The following BIN1 variants were observed in gnomAD, a reference collection of about 807,000 sequenced individuals.
The protein encoded by BIN1 is bridging integrator 1.
BIN1 carries 53 observed loss-of-function variants against 82.0 expected under a neutral mutation model. That is an observed-to-expected ratio of 0.65 (90% CI 0.52 to 0.81). The LOEUF is 0.81. BIN1 is among the 40% of genes least tolerant of loss of function. The pLI, the probability that BIN1 is intolerant of heterozygous loss-of-function variation, is 0.00. For missense variants in BIN1, 642 were observed against 784.4 expected (o/e 0.82, Z 2.17); for synonymous variants, 302 against 328.0 (o/e 0.92, Z 0.86).
intron 13 of BIN1, 82 bp from the exon 14 acceptor site, chr2:127,053,527 C>T: frequency 6.5e-7 from 1 of 1,545,980 alleles, no homozygotes; most frequent in South Asian, 1.2e-5. Context: ...GGGACCCTAC[C>T]CCCGCTCGCC....
chr2:127,101,015 A>C (rs1426041204), intron 1 of BIN1, among the ~76,000 whole-genome samples: 1 of 112,824 alleles, frequency 8.9e-6, no homozygotes, highest in Non-Finnish European at 1.8e-5. Context: ...GTGGGGATAG[A>C]CTCAAACTCA....
At chr2:127,072,408 G>A (rs574648168) in intron 2 of BIN1, among the ~76,000 whole-genome samples, 6 of 152,286 alleles carry the variant, frequency 3.9e-5, no homozygotes, top group African/African-American at 1.4e-4. Context: ...GTCAGCGACC[G>A]GCCCAGTCAC....
intron 15 of BIN1, 22 bp downstream of exon 15, chr2:127,052,231 CAG>C (rs772243865): frequency 8.8e-5 from 137 of 1,555,222 alleles, no homozygotes; most frequent in Non-Finnish European, 1.1e-4. Context: ...ACAAGCCAGA[CAG>C]GGGCTGGAGG....
At chr2:127,069,123 C>T in intron 5 of BIN1, 92 bp from the exon 6 acceptor site, 1 of 1,172,804 alleles carries the variant, frequency 8.5e-7, no homozygotes, top group Non-Finnish European at 1.2e-6. Context: ...GCAGGGCGGG[C>T]AGGAGACCCC....
chr2:127,063,577 C>T lies in BIN1; in HGVS notation c.768G>A (p.Met256Ile). The stretch of plus-strand genomic sequence containing the variant: ...AGGGGTCCCCATGGCCTACCTTGCT[C>T]ATCTCCTTGTGGAAGTTTTCCTCCA... ...AGLEENFHKE[M>I]SKLNQNLNDV... The change falls in exon 9 of 19, where the codon ATG becomes ATA. Residue 256 changes from methionine to isoleucine, a missense_variant. Transcript: ENST00000316724. The T allele has an allele frequency of 6.2e-7, 1 of 1,613,898 alleles. No homozygotes were observed. The highest frequency in any genetic ancestry group is 8.5e-7 in the Non-Finnish European group (1 of 1,179,934).
At chr2:127,069,113 G>C (rs950586368) in intron 5 of BIN1, 82 bp from the exon 6 acceptor site, 1 of 1,315,024 alleles carries the variant, frequency 7.6e-7, no homozygotes, top group Non-Finnish European at 1.1e-6. Context: ...GGAGGGACCC[G>C]CAGGGCGGGC....
At chr2:127,106,104 G>T (rs1003872390) in intron 1 of BIN1, among the ~76,000 whole-genome samples, 6 of 152,132 alleles carry the variant, frequency 3.9e-5, no homozygotes, top group Non-Finnish European at 7.4e-5. Context: ...CGCCTTCCAC[G>T]CGCCTCCTCC....
intron 1 of BIN1, 35 bp downstream of exon 1, chr2:127,106,825 G>T (rs1681216069): frequency 3.8e-6 from 6 of 1,570,746 alleles, no homozygotes; most frequent in Non-Finnish European, 4.3e-6. Flanking sequence ...GCGGCGGCTG[G>T]GACTCCGCGG....
intron 1 of BIN1, among the ~76,000 whole-genome samples, chr2:127,080,837 A>T (rs1052651926): frequency 1.3e-5 from 2 of 152,200 alleles, no homozygotes; most frequent in Non-Finnish European, 2.9e-5. Flanking sequence ...CTCCTCCTGC[A>T]ATCATCCACA....
chr2:127,078,070 G>GGGGCCCA (rs1296066217), intron 1 of BIN1, among the ~76,000 whole-genome samples: 1 of 152,212 alleles, frequency 6.6e-6, no homozygotes, highest in Admixed American at 6.5e-5. Context: ...CATCAGCTTT[G>GGGGCCCA]GGGCCCAGGG....
At chr2:127,100,524 C>T (rs1024865217) in intron 1 of BIN1, among the ~76,000 whole-genome samples, 1 of 152,194 alleles carries the variant, frequency 6.6e-6, no homozygotes, top group Admixed American at 6.5e-5. Context: ...AGTCACACAA[C>T]CACTCCAGCT....
intron 7 of BIN1, 95 bp from the exon 8 acceptor site, chr2:127,064,113 C>T (rs1434762321): frequency 6.2e-6 from 9 of 1,444,114 alleles, no homozygotes; most frequent in Non-Finnish European, 8.7e-6. Flanking sequence ...CCCTCTTGGC[C>T]AGTGCGCTGG....
Position 127,050,784 on chromosome 2 carries a change from CAG to C in BIN1, c.1572+16_1572+17del. On this transcript the variant is annotated intron_variant, in intron 17 of 18. Transcript: ENST00000316724. ...CAGGGCACCGAGGGACTGCAGCAGT[CAG>C]AGGCTGTGGGCTCACCTTGAACATG... 1.2e-6 allele frequency: 2 copies of C among 1,612,002 alleles called. No homozygotes were observed. The highest frequency in any genetic ancestry group is 1.3e-5 in the African/African-American group (1 of 75,028).
chr2:127,076,384 CT>C (rs1365043149), intron 2 of BIN1, among the ~76,000 whole-genome samples: 3 of 150,470 alleles, frequency 2.0e-5, no homozygotes, highest in Admixed American at 2.0e-4. Context: ...CCCCCTCCCC[CT>C]CCCCCAACTA....
chr2:127,063,933 C>G lies in BIN1; in HGVS notation c.698G>C (p.Ser233Thr). The change falls in exon 8 of 19, where the codon AGC becomes ACC. Residue 233 changes from serine to threonine, a missense_variant and splice_region_variant. Transcript: ENST00000316724. ...GGCTGGGCACCGTGCTGGGCCTCACCTGTTCCACAGGGACGGCAGCTCCTC... is the reference window on the plus strand; with the variant it reads ...GGCTGGGCACCGTGCTGGGCCTCACGTGTTCCACAGGGACGGCAGCTCCTC... Reference protein sequence around the residue: ...LQEELPSLWNSRVGFYVNTFQ... With the variant: ...LQEELPSLWNTRVGFYVNTFQ... 3 of 1,613,724 alleles carry G rather than the reference C, an allele frequency of 1.9e-6. No homozygotes were observed. The highest frequency in any genetic ancestry group is 2.5e-6 in the Non-Finnish European group (3 of 1,179,974).
chr2:127,061,488 C>T (rs976263330), intron 10 of BIN1, among the ~76,000 whole-genome samples: 15 of 152,310 alleles, frequency 9.8e-5, no homozygotes, highest in African/African-American at 3.6e-4. Context: ...CACACACACA[C>T]ATGCACACAT....
intron 8 of BIN1, 75 bp downstream of exon 8, chr2:127,063,858 A>G: frequency 1.3e-6 from 2 of 1,579,670 alleles, no homozygotes; most frequent in Non-Finnish European, 1.7e-6. Context: ...TGGGCACCAC[A>G]GCACGCAGAC....
In BIN1 at chr2:127,053,988, C is replaced by T. The variant is rs1268978517; in HGVS notation, c.1156G>A (p.Glu386Lys). 1 of 1,551,368 alleles carries T rather than the reference C, an allele frequency of 6.4e-7. No homozygotes were observed. Among genetic ancestry groups the T allele is most frequent in the Non-Finnish European group, 8.7e-7 (1 of 1,146,950 alleles). Residue 386 changes from glutamate to lysine, a missense_variant, in exon 13 of 19, where the codon GAG (glutamate) becomes AAG (lysine). Transcript: ENST00000316724. ...TCCAGGTCCAGCAGACTGGCCTGCT[C>T]CGAGAAAGGCCCCGGGGCCTCAAAC... is the stretch of plus-strand genomic sequence containing the variant. ...SQFEAPGPFS[E>K]QASLLDLDFD...
chr2:127,093,023 G>A lies in BIN1; in HGVS notation c.84+13837C>T, dbSNP rs1679136003. Among the ~76,000 whole-genome samples, 1 of 152,066 alleles carries A rather than the reference G, an allele frequency of 6.6e-6. No individual in the cohort carries two copies. The highest frequency in any genetic ancestry group is 2.1e-4 in the South Asian group (1 of 4,824). ...AAAATCCCAGGAGGGAGCCAAAGGA[G>A]TGGGGCACAGCCTGGGGGCCCCCCC... On this transcript the variant is annotated intron_variant, in intron 1 of 18. Coordinates refer to ENST00000316724, the MANE Select transcript of BIN1 (RefSeq NM_139343.3). The surrounding 1 kb of genome is among the most constrained non-coding windows in gnomAD (Gnocchi z 5.7).
Sources: gnomAD v4.1 joint callset for allele counts (sites outside exome capture counted in the v4.1 genomes callset) on GRCh38, gnomAD v4.1.1 for gene constraint, Gnocchi (gnomAD v3.1) non-coding constraint, MANE v1.5 for transcripts, NCBI Gene and HGNC (gene_info 2026-07-23, HGNC 2026-07-21) for gene names.